The following GREB1L variants were observed in gnomAD, a reference collection of about 807,000 sequenced individuals.
GREB1L encodes GREB1 like retinoic acid receptor coactivator, also known as GREB1-like protein.
In GREB1L, 17 loss-of-function variants were observed where a neutral mutation model predicts 200.8. The observed-to-expected ratio is 0.08, with a 90% CI of 0.06 to 0.13. The LOEUF is 0.13. Ranked by LOEUF, GREB1L falls within the 10% of genes least tolerant of loss-of-function variation. GREB1L has a pLI of 1.00. For missense variants in GREB1L, 1,657 were observed against 2,367.7 expected (o/e 0.70, Z 6.23); for synonymous variants, 789 against 893.0 (o/e 0.88, Z 2.08).
At chr18:21,327,813 C>T (rs557573304) in intron 1 of GREB1L, among the ~76,000 whole-genome samples, 192 of 152,006 alleles carry the variant, frequency 1.3e-3, no homozygotes, top group African/African-American at 4.2e-3. Flanking sequence ...CCCGGGTTCA[C>T]GCCATTCTCC....
intron 4 of GREB1L, among the ~76,000 whole-genome samples, chr18:21,386,090 G>A (rs1437790075): frequency 6.6e-6 from 1 of 152,114 alleles, no homozygotes; most frequent in Non-Finnish European, 1.5e-5. Context: ...TAAAGGAGGT[G>A]CAGTTTTTTT....
chr18:21,467,053 A>G lies in GREB1L; in HGVS notation c.2183-5978A>G, dbSNP rs185961784. On this transcript the variant is annotated intron_variant, in intron 15 of 32. Transcript: ENST00000424526. Reference sequence around the variant, plus strand: ...GATGCTGGGACAACTGAATATCCACATGCAAAAGAATAAAGTTTGACCTCT... The same window carrying G: ...GATGCTGGGACAACTGAATATCCACGTGCAAAAGAATAAAGTTTGACCTCT... Among the ~76,000 whole-genome samples, 10 of 152,358 alleles carry G rather than the reference A, an allele frequency of 6.6e-5. No homozygotes were observed. In the East Asian group the frequency reaches 1.7e-3, roughly 26 times the overall value.
At chr18:21,486,883 T>C (rs2036149194) in intron 18 of GREB1L, among the ~76,000 whole-genome samples, 1 of 152,194 alleles carries the variant, frequency 6.6e-6, no homozygotes, top group Admixed American at 6.5e-5. Flanking sequence ...TAATTGATCA[T>C]ATTATTTAAC....
chr18:21,428,336 T>C (rs1282910026), intron 7 of GREB1L, among the ~76,000 whole-genome samples: 1 of 87,988 alleles, frequency 1.1e-5, no homozygotes, highest in East Asian at 4.0e-4. Context: ...TTTTGTCTTT[T>C]TTTTTTTTTT....
At chr18:21,265,336 G>A (rs1039560527) in intron 1 of GREB1L, among the ~76,000 whole-genome samples, 1 of 152,026 alleles carries the variant, frequency 6.6e-6, no homozygotes, top group Non-Finnish European at 1.5e-5. Context: ...TAGGAAAAAG[G>A]TATATAGTGA....
chr18:21,381,915 A>C (rs1390558642), intron 2 of GREB1L, among the ~76,000 whole-genome samples: 1 of 152,210 alleles, frequency 6.6e-6, no homozygotes, highest in Admixed American at 6.5e-5. Flanking sequence ...TCGAGAGTAA[A>C]AGTCAACACA....
intron 23 of GREB1L, among the ~76,000 whole-genome samples, chr18:21,501,972 CG>C (rs893875544): frequency 6.6e-6 from 1 of 152,112 alleles, no homozygotes; most frequent in Non-Finnish European, 1.5e-5. Context: ...TGGCTCGGCT[CG>C]GCACTGGCAC....
intron 1 of GREB1L, among the ~76,000 whole-genome samples, chr18:21,300,504 C>T (rs995684811): frequency 6.6e-6 from 1 of 152,198 alleles, no homozygotes; most frequent in African/African-American, 2.4e-5. Context: ...ACTTCTGTTA[C>T]CTCTTCCCTT....
Position 21,520,821 on chromosome 18 carries a change from A to G in GREB1L, c.5606A>G (p.Lys1869Arg). 2.0e-6 allele frequency: 3 copies of G among 1,533,730 alleles called. No individual in the cohort carries two copies. Among genetic ancestry groups the G allele is most frequent in the Non-Finnish European group, 2.6e-6 (3 of 1,137,362 alleles). ...GADLKKFKFL[K>R]GATLCVICQD... Reference sequence around the variant, plus strand: ...GATCTTAAGAAATTTAAATTTCTAAAAGGTAAGTCAAATTTAGTATCTTGC... The same window carrying G: ...GATCTTAAGAAATTTAAATTTCTAAGAGGTAAGTCAAATTTAGTATCTTGC... The change falls in exon 32 of 33, where the codon AAA becomes AGA. Residue 1869 changes from lysine to arginine, a missense_variant and splice_region_variant. By Grantham distance (26) the Lys-to-Arg change is conservative (BLOSUM62 2). Around this residue, in one of 9 missense-constraint regions of GREB1L, gnomAD observed 190 missense variants for 230.2 expected, o/e 0.83. Transcript: ENST00000424526.
intron 2 of GREB1L, among the ~76,000 whole-genome samples, chr18:21,377,229 G>A (rs764562677): frequency 1.8e-4 from 27 of 151,634 alleles, no homozygotes; most frequent in Admixed American, 2.6e-4. Context: ...CTCTATCCCC[G>A]GTGACTTTAG....
At chr18:21,320,647 T>G (rs898405509) in intron 1 of GREB1L, among the ~76,000 whole-genome samples, 1 of 151,652 alleles carries the variant, frequency 6.6e-6, no homozygotes, top group African/African-American at 2.4e-5. Context: ...GTGCATGTAG[T>G]CCCAGCTACT....
At chr18:21,259,568 A>G (rs1445823715) in intron 1 of GREB1L, among the ~76,000 whole-genome samples, 3 of 152,120 alleles carry the variant, frequency 2.0e-5, no homozygotes, top group Non-Finnish European at 4.4e-5. Flanking sequence ...TCCTCAAACC[A>G]TTACTAATAT....
intron 8 of GREB1L, 96 bp from the exon 9 acceptor site, chr18:21,440,173 T>C: frequency 7.9e-7 from 1 of 1,262,134 alleles, no homozygotes; most frequent in Non-Finnish European, 1.1e-6. Context: ...AAATTAAAGG[T>C]TCTGTATTAC....
intron 6 of GREB1L, 69 bp from the exon 7 acceptor site, chr18:21,403,803 T>G (rs1487658725): frequency 8.4e-6 from 11 of 1,314,734 alleles, no homozygotes; most frequent in Non-Finnish European, 1.2e-5. Flanking sequence ...TTTTATGGAT[T>G]GCGTCCCCAT....
At chr18:21,432,737 C>T (rs1364460525) in intron 7 of GREB1L, among the ~76,000 whole-genome samples, 8 of 119,658 alleles carry the variant, frequency 6.7e-5, no homozygotes, top group African/African-American at 1.7e-4. Flanking sequence ...GACAGTGTCT[C>T]GCTCTGTCAG....
intron 1 of GREB1L, among the ~76,000 whole-genome samples, chr18:21,290,845 AG>A (rs1323605260): frequency 4.6e-5 from 7 of 150,872 alleles, no homozygotes; most frequent in African/African-American, 1.7e-4. Context: ...AAAAAAAAAA[AG>A]ATAGACCATC....
intron 2 of GREB1L, among the ~76,000 whole-genome samples, chr18:21,368,347 G>T (rs2039749894): frequency 6.6e-6 from 1 of 152,136 alleles, no homozygotes; most frequent in African/African-American, 2.4e-5. Context: ...CCTTAAAATT[G>T]TGGCAAAACT....
intron 7 of GREB1L, among the ~76,000 whole-genome samples, 182 bp downstream of exon 7, chr18:21,404,176 C>G (rs1020859877): frequency 3.3e-5 from 5 of 152,144 alleles, no homozygotes; most frequent in African/African-American, 1.2e-4. Flanking sequence ...GACCAGAATC[C>G]AAGTCCTCAC....
At chr18:21,422,292 A>G (rs1043836489) in intron 7 of GREB1L, among the ~76,000 whole-genome samples, 1 of 152,196 alleles carries the variant, frequency 6.6e-6, no homozygotes, top group African/African-American at 2.4e-5. Context: ...GCTACTCCCA[A>G]ATAATCAAAA....
Sources: gnomAD v4.1 joint callset for allele counts (sites outside exome capture counted in the v4.1 genomes callset) on GRCh38, gnomAD v4.1.1 for gene constraint, gnomAD v4.1.1 regional missense constraint, MANE v1.5 for transcripts, NCBI Gene and HGNC (gene_info 2026-07-23, HGNC 2026-07-21) for gene names.